The following TENM4 variants were observed in gnomAD, a reference collection of about 807,000 sequenced individuals.
TENM4 encodes teneurin transmembrane protein 4.
Under a neutral mutation model 243.3 loss-of-function variants are expected in TENM4, and 82 were observed. That is an observed-to-expected ratio of 0.34 (90% CI 0.28 to 0.40). The LOEUF (loss-of-function observed/expected upper bound fraction) is 0.40, where lower values mean the gene tolerates loss of function less well. Ranked by LOEUF, TENM4 falls within the 10% of genes least tolerant of loss-of-function variation. TENM4 has a pLI of 1.00. For missense variants in TENM4, 3,138 were observed against 3,673.3 expected (o/e 0.85, Z 3.77); for synonymous variants, 1,412 against 1,456.3 (o/e 0.97, Z 0.69).
intron 6 of TENM4, among the ~76,000 whole-genome samples, chr11:78,925,286 G>A (rs1031095222): frequency 1.3e-5 from 2 of 151,468 alleles, no homozygotes; most frequent in Non-Finnish European, 2.9e-5. Context: ...CTATCCATCA[G>A]CATTTTAGCT....
At chr11:78,923,642 A>G (rs898090705) in intron 6 of TENM4, among the ~76,000 whole-genome samples, 1 of 146,210 alleles carries the variant, frequency 6.8e-6, no homozygotes, top group South Asian at 2.2e-4. Flanking sequence ...TGTTCAAGCA[A>G]TTCTCCTGTC....
intron 6 of TENM4, among the ~76,000 whole-genome samples, chr11:79,054,581 C>G (rs1305139999): frequency 6.6e-6 from 1 of 151,790 alleles, no homozygotes; most frequent in Non-Finnish European, 1.5e-5. Flanking sequence ...TCACTGCAGC[C>G]TCGATCACCC....
intron 3 of TENM4, among the ~76,000 whole-genome samples, chr11:79,154,661 C>CCT (rs970257796): frequency 1.3e-5 from 2 of 152,126 alleles, no homozygotes; most frequent in African/African-American, 4.8e-5. Context: ...CTGGGAGTCC[C>CCT]CTCTTCCCCT....
chr11:79,024,038 T>C (rs1366639678), intron 6 of TENM4, among the ~76,000 whole-genome samples: 1 of 152,262 alleles, frequency 6.6e-6, no homozygotes, highest in Non-Finnish European at 1.5e-5. Context: ...GAATTAAGAT[T>C]CAACCTGATC....
At chr11:78,928,187 G>A (rs181829070) in intron 6 of TENM4, among the ~76,000 whole-genome samples, 5 of 152,318 alleles carry the variant, frequency 3.3e-5, no homozygotes, top group African/African-American at 1.2e-4. Context: ...AGCAGCCCCT[G>A]GGGGTCCCCG....
chr11:79,254,845 T>A (rs1368307342), intron 2 of TENM4, among the ~76,000 whole-genome samples: 3 of 152,106 alleles, frequency 2.0e-5, no homozygotes, highest in African/African-American at 7.2e-5. Context: ...CAAGCTTGAG[T>A]TGTTCTTCCC....
At chr11:79,152,262 A>T (rs901174841) in intron 3 of TENM4, among the ~76,000 whole-genome samples, 6 of 152,286 alleles carry the variant, frequency 3.9e-5, no homozygotes, top group Middle Eastern at 3.4e-3. Flanking sequence ...GTTTGGCTAC[A>T]TTCTACTTTG....
intron 6 of TENM4, among the ~76,000 whole-genome samples, chr11:78,971,045 C>T (rs1302230220): frequency 2.0e-5 from 3 of 151,898 alleles, no homozygotes; most frequent in Non-Finnish European, 2.9e-5. Flanking sequence ...TGAGATCTCT[C>T]TGTGTTGCCC....
At chr11:78,836,219 G>A (rs1450368267) in intron 12 of TENM4, among the ~76,000 whole-genome samples, 7 of 152,068 alleles carry the variant, frequency 4.6e-5, no homozygotes, top group African/African-American at 1.2e-4. Context: ...GCGTGGTGGC[G>A]CATGCCTGTA....
chr11:78,732,858 T>C (rs1478255819), intron 20 of TENM4, among the ~76,000 whole-genome samples: 1 of 152,152 alleles, frequency 6.6e-6, no homozygotes, highest in Non-Finnish European at 1.5e-5. Context: ...GAGCTGACAG[T>C]GGTGCTGCTG....
intron 6 of TENM4, among the ~76,000 whole-genome samples, chr11:79,044,367 T>C (rs1344461790): frequency 6.6e-6 from 1 of 152,194 alleles, no homozygotes; most frequent in Non-Finnish European, 1.5e-5. Flanking sequence ...ATCTAGCTAA[T>C]CAGGTCAGAG....
At chr11:78,741,894 G>A (rs1484530406) in intron 19 of TENM4, among the ~76,000 whole-genome samples, 1 of 152,162 alleles carries the variant, frequency 6.6e-6, no homozygotes, top group East Asian at 1.9e-4. Flanking sequence ...TAGCTCATAT[G>A]ATCCTCTATT....
At chr11:78,691,377 T>C (rs1199005411) in intron 28 of TENM4, among the ~76,000 whole-genome samples, 2 of 152,126 alleles carry the variant, frequency 1.3e-5, no homozygotes, top group Non-Finnish European at 2.9e-5. Context: ...GAATGCAGGA[T>C]TGGATGTGCA....
Position 78,807,851 on chromosome 11 carries a change from T to C in TENM4, c.1979-2359A>G, listed in dbSNP as rs553928961. On this transcript the variant is annotated intron_variant, in intron 14 of 33. Coordinates refer to ENST00000278550, the MANE Select transcript of TENM4 (RefSeq NM_001098816.3). ...AGGGACAAAATGTACTGGTTCTAGGTCCATGGTCCAATTACATAACTGCTC... is the reference window on the plus strand; with the variant it reads ...AGGGACAAAATGTACTGGTTCTAGGCCCATGGTCCAATTACATAACTGCTC... Among the ~76,000 whole-genome samples, 8 of 152,268 alleles carry C rather than the reference T, an allele frequency of 5.3e-5. No homozygotes were observed. The East Asian group carries it at 1.5e-3, about 29-fold the overall frequency.
intron 29 of TENM4, among the ~76,000 whole-genome samples, chr11:78,687,845 G>C (rs2135721875): frequency 6.6e-6 from 1 of 152,242 alleles, no homozygotes; most frequent in South Asian, 2.1e-4. Flanking sequence ...TAACAGGATA[G>C]GACAATAAAA....
At chr11:78,675,307 G>A (rs1356172601) in intron 30 of TENM4, among the ~76,000 whole-genome samples, 1 of 152,210 alleles carries the variant, frequency 6.6e-6, no homozygotes, top group African/African-American at 2.4e-5. Flanking sequence ...AAGAGAGTCT[G>A]AGCTGTGTTG....
chr11:79,207,758 C>T (rs1863877691), intron 3 of TENM4, among the ~76,000 whole-genome samples: 1 of 149,746 alleles, frequency 6.7e-6, no homozygotes, highest in East Asian at 2.0e-4. Flanking sequence ...CCCAGCTACT[C>T]AGGAGGCTGA....
chr11:78,984,018 G>A (rs1383361171), intron 6 of TENM4, among the ~76,000 whole-genome samples: 1 of 152,220 alleles, frequency 6.6e-6, no homozygotes, highest in Non-Finnish European at 1.5e-5. Context: ...GTGAGGAGGA[G>A]TGGGAGGCAG....
intron 10 of TENM4, among the ~76,000 whole-genome samples, chr11:78,857,072 C>T (rs889105931): frequency 2.1e-4 from 30 of 143,248 alleles, no homozygotes; most frequent in East Asian, 7.8e-4. Context: ...TAAGCACACT[C>T]ATATGTGAAA....
Sources: gnomAD v4.1 joint callset for allele counts (sites outside exome capture counted in the v4.1 genomes callset) on GRCh38, gnomAD v4.1.1 for gene constraint, MANE v1.5 for transcripts, NCBI Gene and HGNC (gene_info 2026-07-23, HGNC 2026-07-21) for gene names.